The following DPYD variants were observed in gnomAD, a reference collection of about 807,000 sequenced individuals.
DPYD encodes dihydropyrimidine dehydrogenase, also known as dihydropyrimidine dehydrogenase [NADP(+)].
In DPYD, 109 loss-of-function variants were observed where a neutral mutation model predicts 116.2. That is an observed-to-expected ratio of 0.94 (90% CI 0.80 to 1.10). The LOEUF is 1.10. Ranked by LOEUF, DPYD falls within the 50% of genes least tolerant of loss-of-function variation. The probability of loss-of-function intolerance (pLI) is 0.00; values close to 1 mark genes in which losing one functional copy is unlikely to be tolerated. For synonymous variants in DPYD, 440 were observed against 432.0 expected (o/e 1.02, Z -0.23); for missense variants, 1,302 against 1,254.5 (o/e 1.04, Z -0.57).
chr1:97,249,718 A>C (rs1662958002), intron 18 of DPYD, among the ~76,000 whole-genome samples: 1 of 152,236 alleles, frequency 6.6e-6, no homozygotes, highest in Admixed American at 6.5e-5. Context: ...TCATATGTAA[A>C]ATACATGAAG....
intron 16 of DPYD, among the ~76,000 whole-genome samples, chr1:97,325,508 C>T (rs1361522757): frequency 6.6e-6 from 1 of 152,038 alleles, no homozygotes; most frequent in Non-Finnish European, 1.5e-5. Context: ...ACTATCCTGC[C>T]TCTAACCATG....
chr1:97,252,210 A>T (rs1170757208), intron 18 of DPYD, among the ~76,000 whole-genome samples: 1 of 152,160 alleles, frequency 6.6e-6, no homozygotes, highest in Non-Finnish European at 1.5e-5. Context: ...CTCTTGTCAA[A>T]TTGAGGTCAT....
rs578065021 is a variant in DPYD, at chr1:97,430,603, T to A, written c.1905+19456A>T. Among the ~76,000 whole-genome samples, 180 of 134,380 alleles carry A rather than the reference T, an allele frequency of 1.3e-3. 3 individuals carry two copies. The highest frequency in any genetic ancestry group is 0.013 in the Admixed American group (166 of 13,266). The allele number at this position is 134,380 out of a possible 152,430, so 88.2% of individuals were successfully genotyped here. ...AACTCAGTCTTGGGAAAAAAAAAAA[T>A]GTCCTCTTTCACGTGAATTTTAATA... On this transcript the variant is annotated intron_variant, in intron 14 of 22. Transcript: ENST00000370192.
At chr1:97,552,570 C>CTT (rs1651403870) in intron 11 of DPYD, among the ~76,000 whole-genome samples, 1 of 151,990 alleles carries the variant, frequency 6.6e-6, no homozygotes, top group Non-Finnish European at 1.5e-5. Flanking sequence ...ATTATGTATC[C>CTT]TTAAACATTC....
At chr1:97,864,053 G>A (rs945017370) in intron 2 of DPYD, among the ~76,000 whole-genome samples, 22 of 151,918 alleles carry the variant, frequency 1.4e-4, no homozygotes, top group African/African-American at 5.1e-4. Context: ...ACAAGTAAAC[G>A]AGCAATATTA....
chr1:97,655,899 G>T (rs927103580), intron 8 of DPYD, among the ~76,000 whole-genome samples: 3 of 152,060 alleles, frequency 2.0e-5, no homozygotes, highest in Admixed American at 1.3e-4. Flanking sequence ...GGATGAAAAG[G>T]GTTAGCATGC....
At chr1:97,578,415 C>T (rs1653420319) in intron 10 of DPYD, among the ~76,000 whole-genome samples, 1 of 151,980 alleles carries the variant, frequency 6.6e-6, no homozygotes, top group Non-Finnish European at 1.5e-5. Flanking sequence ...CATGATTTTA[C>T]AGATTTAGCA....
chr1:97,869,449 C>G (rs1671553307), intron 2 of DPYD, among the ~76,000 whole-genome samples: 1 of 151,690 alleles, frequency 6.6e-6, no homozygotes, highest in Non-Finnish European at 1.5e-5. Flanking sequence ...AATGTCACCG[C>G]AAAATATGTC....
At chr1:97,308,891 A>G (rs1451200812) in intron 16 of DPYD, among the ~76,000 whole-genome samples, 4 of 151,852 alleles carry the variant, frequency 2.6e-5, no homozygotes, top group Non-Finnish European at 4.4e-5. Context: ...ACCATTACCA[A>G]TACATACAAG....
At chr1:97,276,772 T>A (rs1664959497) in intron 18 of DPYD, among the ~76,000 whole-genome samples, 1 of 151,982 alleles carries the variant, frequency 6.6e-6, no homozygotes, top group African/African-American at 2.4e-5. Context: ...TGTAAATTAG[T>A]TCAGCCACTG....
At chr1:97,129,573 C>T (rs186938293) in intron 20 of DPYD, among the ~76,000 whole-genome samples, 1 of 152,218 alleles carries the variant, frequency 6.6e-6, no homozygotes, top group Admixed American at 6.5e-5. Flanking sequence ...CCATCTCTCT[C>T]ACTCACTCTT....
intron 16 of DPYD, among the ~76,000 whole-genome samples, chr1:97,323,560 TATATATACAC>T (rs1668510243): frequency 5.4e-5 from 6 of 110,828 alleles, no homozygotes; most frequent in African/African-American, 2.0e-4. Flanking sequence ...CATATATGTG[TATATATACAC>T]GTATATATAC....
chr1:97,725,835 C>A (rs988003136), intron 4 of DPYD, among the ~76,000 whole-genome samples: 1 of 151,420 alleles, frequency 6.6e-6, no homozygotes, highest in South Asian at 2.1e-4. Flanking sequence ...AGGGAATGGA[C>A]AATAACTGCT....
In DPYD at chr1:97,757,024, T is replaced by C. The variant is rs544073655; in HGVS notation, c.234-16545A>G. ...TATTTTTTTCTTATTCATATCCCCA[T>C]ATTTTTCAAACTATAATATAATTAA... On this transcript the variant is annotated intron_variant, in intron 3 of 22. Coordinates refer to ENST00000370192, the MANE Select transcript of DPYD (RefSeq NM_000110.4). 3.9e-5 allele frequency among the ~76,000 whole-genome samples: 6 copies of C among 152,238 alleles called. No individual in the cohort carries two copies. In the South Asian group the frequency reaches 1.2e-3, roughly 32 times the overall value.
At chr1:97,418,330 A>C (rs1247237828) in intron 14 of DPYD, among the ~76,000 whole-genome samples, 1 of 142,964 alleles carries the variant, frequency 7.0e-6, no homozygotes, top group Non-Finnish European at 1.5e-5. Context: ...TTTGAGATGG[A>C]GTCTCTGTCA....
At chr1:97,237,241 CAAA>C (rs58926889) in intron 18 of DPYD, among the ~76,000 whole-genome samples, 106 of 57,644 alleles carry the variant, frequency 1.8e-3, no homozygotes, top group Admixed American at 3.4e-3. Flanking sequence ...GATTCTGTCT[CAAA>C]AAAAAAAAAA....
chr1:97,812,350 T>TGAG (rs1320486358), intron 3 of DPYD, among the ~76,000 whole-genome samples: 3 of 152,148 alleles, frequency 2.0e-5, no homozygotes, highest in Admixed American at 6.5e-5. Context: ...TTGCCTCATA[T>TGAG]TGTTTTTAGT....
At chr1:97,540,327 G>A (rs1570927600) in intron 12 of DPYD, among the ~76,000 whole-genome samples, 2 of 133,462 alleles carry the variant, frequency 1.5e-5, no homozygotes, top group Non-Finnish European at 3.2e-5. Flanking sequence ...CCCGGGGTGG[G>A]GGGTGGGGGG....
In DPYD at chr1:97,721,233, A is replaced by G. The variant is rs923248369; in HGVS notation, c.483+277T>C. On this transcript the variant is annotated intron_variant, in intron 5 of 22. Coordinates refer to ENST00000370192, the MANE Select transcript of DPYD (RefSeq NM_000110.4). ...CCATACTTCCACATAAAGTTAATGA[A>G]TAAGTTCTATTTTCGGATCATCTAA... is the stretch of plus-strand genomic sequence containing the variant. Among the ~76,000 whole-genome samples the G allele has an allele frequency of 9.9e-5, 15 of 151,738 alleles. No homozygotes were observed. The East Asian group carries it at 2.1e-3, about 21-fold the overall frequency.
Sources: allele counts gnomAD v4.1 joint callset (sites outside exome capture counted in the v4.1 genomes callset), GRCh38; gene constraint gnomAD v4.1.1; transcripts MANE v1.5; gene names NCBI Gene and HGNC (gene_info 2026-07-23, HGNC 2026-07-21).